The following VPS4A variants were observed in gnomAD, a reference collection of about 807,000 sequenced individuals.
VPS4A encodes the protein vacuolar protein sorting-associated protein 4A.
Under a neutral mutation model 52.3 loss-of-function variants are expected in VPS4A, and 20 were observed. The observed-to-expected ratio is 0.38, with a 90% CI of 0.27 to 0.56. VPS4A has a LOEUF of 0.56. Ranked by LOEUF, VPS4A falls within the 20% of genes least tolerant of loss-of-function variation. The pLI is 0.72. For missense variants in VPS4A, 419 were observed against 575.9 expected, an observed-to-expected ratio of 0.73 and a Z score of 2.79; for synonymous variants, 293 against 227.7, an observed-to-expected ratio of 1.29 and a Z score of -2.58.
At position 69,320,246 on chromosome 16, in the gene VPS4A, G is replaced by A; in HGVS notation, c.726G>A (p.Glu242=). 5.0e-6 allele frequency: 8 copies of A among 1,614,006 alleles called. No individual in the cohort carries two copies. The highest frequency in any genetic ancestry group is 6.8e-6 in the Non-Finnish European group (8 of 1,179,858). The part of the protein sequence containing the change: ...LCGSRNENES[E]AARRIKTEFL... ...GGTCCCGAAATGAAAATGAGAGTGA[G>A]GCCGCCCGGAGGATCAAAACGGAGT... The change falls in exon 7 of 11, where the codon GAG becomes GAA. Residue 242 remains glutamate (E), a synonymous_variant. Transcript: ENST00000254950. This position sits in a 1 kb window ranked among gnomAD's most constrained non-coding sequence, Gnocchi z 4.2.
At position 69,320,099 on chromosome 16, in the gene VPS4A, G is replaced by A; in HGVS notation, c.621-42G>A. Reference sequence around the variant, plus strand: ...AGTGCCGGGAGCCCAGGCGGGCACGGACGTGAACGTCTTGTCCTCACCCCC... The same window carrying A: ...AGTGCCGGGAGCCCAGGCGGGCACGAACGTGAACGTCTTGTCCTCACCCCC... On this transcript the variant is annotated intron_variant, in intron 6 of 10. Transcript: ENST00000254950. The surrounding 1 kb of genome is among the most constrained non-coding windows in gnomAD (Gnocchi z 4.2). 6 of 1,589,296 alleles carry A rather than the reference G, an allele frequency of 3.8e-6. No homozygotes were observed. The highest frequency in any genetic ancestry group is 5.2e-6 in the Non-Finnish European group (6 of 1,162,312).
chr16:69,316,482 C>T, intron 3 of VPS4A, 110 bp downstream of exon 3: 2 of 1,416,714 alleles, frequency 1.4e-6, no homozygotes, highest in Non-Finnish European at 1.9e-6. Flanking sequence ...CCTCATAGTG[C>T]AGGGATGACA....
At chr16:69,318,605 TC>T in intron 3 of VPS4A, 44 bp from the exon 4 acceptor site, 1 of 1,575,424 alleles carries the variant, frequency 6.3e-7, no homozygotes, top group South Asian at 1.2e-5. Context: ...ACCTCTGTGC[TC>T]CAGGCTGAAG....
chr16:69,311,772 G>C (rs1210627023), intron 1 of VPS4A, among the ~76,000 whole-genome samples: 1 of 152,220 alleles, frequency 6.6e-6, no homozygotes, highest in African/African-American at 2.4e-5. Context: ...GGGCCGCTTC[G>C]TGTAGCCGGC....
rs551823088 is a variant in VPS4A at position 69,321,719 on chromosome 16, A to G, written c.1071+449A>G. ...AGATATGAGTGACCAACAGACAAAA[A>G]TCCTAGACCTTCCGTTGTTGGTGGG... On this transcript the variant is annotated intron_variant, in intron 9 of 10. Coordinates refer to ENST00000254950, the MANE Select transcript of VPS4A (RefSeq NM_013245.3). This position sits in a 1 kb window ranked among gnomAD's most constrained non-coding sequence, Gnocchi z 4.5. 2.0e-4 allele frequency: 39 copies of G among 192,270 alleles called. No individual in the cohort carries two copies. The highest frequency in any genetic ancestry group is 8.4e-4 in the African/African-American group (36 of 42,690). The allele number at this position is 192,270 out of a possible 1,614,324, so 11.9% of individuals were successfully genotyped here.
At chr16:69,317,818 G>C (rs572637461) in intron 3 of VPS4A, among the ~76,000 whole-genome samples, 1 of 151,968 alleles carries the variant, frequency 6.6e-6, no homozygotes, top group African/African-American at 2.4e-5. Context: ...CAGGCATTGT[G>C]GCATGTGCCT....
intron 3 of VPS4A, among the ~76,000 whole-genome samples, chr16:69,316,622 C>G (rs1488189556): frequency 6.6e-6 from 1 of 152,126 alleles, no homozygotes; most frequent in Non-Finnish European, 1.5e-5. Context: ...AGGACGGGAC[C>G]CCAGCTCTGT....
At chr16:69,322,846 G>C (rs1404514211) in intron 10 of VPS4A, 146 bp downstream of exon 10, 1 of 1,013,666 alleles carries the variant, frequency 9.9e-7, no homozygotes, top group Non-Finnish European at 1.4e-6. Flanking sequence ...AGGGTGGGCA[G>C]ATCACAAGGT....
intron 3 of VPS4A, among the ~76,000 whole-genome samples, chr16:69,317,878 T>C (rs1016608215): frequency 1.3e-5 from 2 of 149,954 alleles, no homozygotes; most frequent in Admixed American, 1.3e-4. Flanking sequence ...AGAGAATTAC[T>C]TGAACCCGGG....
In VPS4A at chr16:69,314,570, G is replaced by A. The variant is rs1057229061; in HGVS notation, c.22-1438G>A. On this transcript the variant is annotated intron_variant, in intron 1 of 10. Coordinates refer to ENST00000254950, the MANE Select transcript of VPS4A (RefSeq NM_013245.3). ...GGTTTGGGGCTCCCAGCCATTCATT[G>A]TAGGTAGTAGAGGGAGCAGAGGCTT... is the stretch of plus-strand genomic sequence containing the variant. Among the ~76,000 whole-genome samples, 6 of 152,134 alleles carry A rather than the reference G, an allele frequency of 3.9e-5. No homozygotes were observed. The East Asian group carries it at 1.2e-3, about 29-fold the overall frequency.
At chr16:69,316,417 G>A (rs1373425077) in intron 3 of VPS4A, 45 bp downstream of exon 3, 13 of 1,604,046 alleles carry the variant, frequency 8.1e-6, no homozygotes, top group African/African-American at 2.7e-5. Context: ...CCCTCCTCAC[G>A]GCTCCCTATC....
Position 69,324,499 on chromosome 16 carries a change from G to T in VPS4A, c.*190G>T. 1.6e-6 allele frequency: 1 copy of T among 616,806 alleles called. No individual in the cohort carries two copies. The highest frequency in any genetic ancestry group is 2.9e-6 in the Non-Finnish European group (1 of 346,978). 38.2% of individuals were successfully genotyped at this position (616,806 alleles called of 1,614,324 possible). On this transcript the variant is annotated 3_prime_UTR_variant, in exon 11 of 11. Transcript: ENST00000254950. ...AGCCACAGAGACACTCCACTGCCCTGGGGCACACAGTGGACACTGCTCTTC... is the reference window on the plus strand; with the variant it reads ...AGCCACAGAGACACTCCACTGCCCTTGGGCACACAGTGGACACTGCTCTTC...
At chr16:69,319,650 G>T in intron 6 of VPS4A, 107 bp downstream of exon 6, 1 of 1,425,756 alleles carries the variant, frequency 7.0e-7, no homozygotes, top group Non-Finnish European at 9.4e-7. Flanking sequence ...GGTTTTCAGG[G>T]AGGGTACCCA....
At chr16:69,313,800 G>A (rs767724047) in intron 1 of VPS4A, among the ~76,000 whole-genome samples, 1 of 151,976 alleles carries the variant, frequency 6.6e-6, no homozygotes, top group Non-Finnish European at 1.5e-5. Context: ...GTAAGCATTT[G>A]CCAGCCCCCA....
At position 69,320,080 on chromosome 16, in the gene VPS4A, G is replaced by T; in HGVS notation, c.621-61G>T. The T allele has an allele frequency of 6.4e-7, 1 of 1,551,380 alleles. No homozygotes were observed. The highest frequency in any genetic ancestry group is 1.2e-5 in the South Asian group (1 of 85,136). ...GGAAGGGTGAGAAGAGGGAAGTGCC[G>T]GGAGCCCAGGCGGGCACGGACGTGA... is the stretch of plus-strand genomic sequence containing the variant. On this transcript the variant is annotated intron_variant, in intron 6 of 10. Transcript: ENST00000254950. This position sits in a 1 kb window ranked among gnomAD's most constrained non-coding sequence, Gnocchi z 4.2.
In VPS4A at chr16:69,325,530, T is replaced by C. The variant is rs1372768449; in HGVS notation, c.*1221T>C. 1 of 151,824 alleles carries C rather than the reference T, an allele frequency of 6.6e-6. No individual in the cohort carries two copies. The highest frequency in any genetic ancestry group is 1.5e-5 in the Non-Finnish European group (1 of 67,964). 9.4% of individuals were successfully genotyped at this position (151,824 alleles called of 1,614,324 possible). A position where few individuals can be genotyped will look rare whatever the true frequency, so the allele number is the denominator to read the frequency against. Reference sequence around the variant, plus strand: ...GCGGGCGGATCACAAGGTCAGGAAATCGAGAACATCCTGGCTAACACAGTG... The same window carrying C: ...GCGGGCGGATCACAAGGTCAGGAAACCGAGAACATCCTGGCTAACACAGTG... On this transcript the variant is annotated 3_prime_UTR_variant, in exon 11 of 11. Coordinates refer to ENST00000254950, the MANE Select transcript of VPS4A (RefSeq NM_013245.3).
chr16:69,322,779 T>C (rs942627654), intron 10 of VPS4A, 79 bp downstream of exon 10: 19 of 1,519,018 alleles, frequency 1.3e-5, no homozygotes, highest in Non-Finnish European at 1.4e-5. Flanking sequence ...ATAAAAACGG[T>C]CTTCTCCAGG....
In VPS4A at chr16:69,325,015, C is replaced by G. The variant is rs772099788; in HGVS notation, c.*706C>G. On this transcript the variant is annotated 3_prime_UTR_variant, in exon 11 of 11. Transcript: ENST00000254950. ...CCTGGGTCCCTGTCCTGGAAATGGT[C>G]TAATAAATCCTTTTCCCTTCTTGAG... is the stretch of plus-strand genomic sequence containing the variant. 4 of 152,416 alleles carry G rather than the reference C, an allele frequency of 2.6e-5. No individual in the cohort carries two copies. The highest frequency in any genetic ancestry group is 4.8e-5 in the African/African-American group (2 of 41,458). 9.4% of individuals were successfully genotyped at this position (152,416 alleles called of 1,614,324 possible).
intron 10 of VPS4A, chr16:69,323,108 AG>A (rs1390034105): frequency 6.2e-6 from 1 of 162,544 alleles, no homozygotes; most frequent in African/African-American, 2.4e-5. Flanking sequence ...TGGGCTGTTG[AG>A]AATGGCCTTT....
Sources: gnomAD v4.1 joint callset for allele counts (sites outside exome capture counted in the v4.1 genomes callset) on GRCh38, gnomAD v4.1.1 for gene constraint, Gnocchi (gnomAD v3.1) non-coding constraint, MANE v1.5 for transcripts, NCBI Gene and HGNC (gene_info 2026-07-23, HGNC 2026-07-21) for gene names.